ATP8B4: variants seen among roughly 807,000 people sequenced by gnomAD.
The protein encoded by ATP8B4 is ATPase phospholipid transporting 8B4 (putative).
Under a neutral mutation model 145.6 loss-of-function variants are expected in ATP8B4, and 133 were observed. The observed-to-expected ratio is 0.91, with a 90% CI of 0.79 to 1.05. The LOEUF (loss-of-function observed/expected upper bound fraction) is 1.05. Among genes scored for constraint, ATP8B4 ranks in the 50% least tolerant of loss-of-function variants. The pLI, the probability that ATP8B4 is intolerant of heterozygous loss-of-function variation, is 0.00. For synonymous variants in ATP8B4, 507 were observed against 492.9 expected, an observed-to-expected ratio of 1.03 and a Z score of -0.38; for missense variants, 1,458 against 1,425.2, an observed-to-expected ratio of 1.02 and a Z score of -0.37.
chr15:50,071,348 C>T (rs1057344602), intron 3 of ATP8B4, among the ~76,000 whole-genome samples: 1 of 152,062 alleles, frequency 6.6e-6, no homozygotes, highest in African/African-American at 2.4e-5. Flanking sequence ...TGCAATATTC[C>T]ATTAATTAAG....
intron 6 of ATP8B4, among the ~76,000 whole-genome samples, chr15:50,026,335 G>A (rs188504868): frequency 1.3e-5 from 2 of 152,130 alleles, no homozygotes; most frequent in Non-Finnish European, 1.5e-5. Context: ...CAATGTACAT[G>A]AGAATCCCAT....
At chr15:50,043,106 G>A (rs777156358) in intron 5 of ATP8B4, among the ~76,000 whole-genome samples, 3 of 152,200 alleles carry the variant, frequency 2.0e-5, no homozygotes, top group African/African-American at 4.8e-5. Context: ...GGAAATATGG[G>A]TGTGAGCTCA....
chr15:49,881,428 T>C (rs2035397555), intron 23 of ATP8B4, among the ~76,000 whole-genome samples: 1 of 152,150 alleles, frequency 6.6e-6, no homozygotes, highest in Non-Finnish European at 1.5e-5. Flanking sequence ...GCTCACAAAA[T>C]TCATGAAAAT....
At chr15:50,010,687 T>C (rs1035105513) in intron 7 of ATP8B4, among the ~76,000 whole-genome samples, 158 bp downstream of exon 7, 1 of 152,134 alleles carries the variant, frequency 6.6e-6, no homozygotes, top group Non-Finnish European at 1.5e-5. Flanking sequence ...TAAATCAACG[T>C]CTTTTAAAAT....
At chr15:50,018,321 G>A (rs573802573) in intron 6 of ATP8B4, among the ~76,000 whole-genome samples, 4 of 152,220 alleles carry the variant, frequency 2.6e-5, no homozygotes, top group African/African-American at 9.6e-5. Flanking sequence ...ACTGGCATAT[G>A]CGGTATCATC....
At chr15:49,913,763 T>A (rs2039469248) in intron 20 of ATP8B4, among the ~76,000 whole-genome samples, 1 of 151,810 alleles carries the variant, frequency 6.6e-6, no homozygotes, top group Admixed American at 6.6e-5. Context: ...AAGAAAGCAA[T>A]CCCATTTACA....
chr15:49,975,607 G>A (rs796138428), intron 12 of ATP8B4, among the ~76,000 whole-genome samples: 13 of 151,968 alleles, frequency 8.6e-5, no homozygotes, highest in South Asian at 6.2e-4. Context: ...CAAAACCCAC[G>A]TATACAAAGG....
rs866560841 is a variant in ATP8B4 at position 49,989,613 on chromosome 15, A to T, written c.590-2064T>A. The stretch of plus-strand genomic sequence containing the variant: ...ACCAAGGGTGTGGTTCTAGACAGGA[A>T]CAGGGAGTAAGGCCAAGGGGTACTG... On this transcript the variant is annotated intron_variant, in intron 9 of 27. Transcript: ENST00000284509. Among the ~76,000 whole-genome samples the T allele has an allele frequency of 3.9e-5, 6 of 152,188 alleles. No individual in the cohort carries two copies. The South Asian group carries it at 1.0e-3, about 26-fold the overall frequency.
intron 5 of ATP8B4, 35 bp from the exon 6 acceptor site, chr15:50,038,864 AC>A: frequency 6.3e-7 from 1 of 1,579,644 alleles, no homozygotes; most frequent in South Asian, 1.1e-5. Flanking sequence ...AAAACACATT[AC>A]AAGGTACTTT....
At chr15:49,891,860 A>C in intron 23 of ATP8B4, among the ~76,000 whole-genome samples, 1 of 152,274 alleles carries the variant, frequency 6.6e-6, no homozygotes, top group South Asian at 2.1e-4. Flanking sequence ...TCATGCCTGT[A>C]ATCCCAGCAT....
chr15:50,163,101 A>G (rs969062920), intron 1 of ATP8B4, among the ~76,000 whole-genome samples: 11 of 152,122 alleles, frequency 7.2e-5, no homozygotes, highest in African/African-American at 2.7e-4. Context: ...ACATATCTCC[A>G]TCTCTCCAGG....
rs140233601 is a variant in ATP8B4 at position 49,996,613 on chromosome 15, T to C, written c.589+64A>G. On this transcript the variant is annotated intron_variant, in intron 9 of 27. Transcript: ENST00000284509. ...AAAGAAACATAAATTGGATCTCACATTACTTTGTTGCATTGCTTTTTGGGT... is the reference window on the plus strand; with the variant it reads ...AAAGAAACATAAATTGGATCTCACACTACTTTGTTGCATTGCTTTTTGGGT... 2,962 of 1,278,862 alleles carry C rather than the reference T, an allele frequency of 2.3e-3. 3 individuals are homozygous for C. The highest frequency in any genetic ancestry group is 2.9e-3 in the Non-Finnish European group (2,612 of 909,722). The allele number at this position is 1,278,862 out of a possible 1,614,324, so 79.2% of individuals were successfully genotyped here. A position where few individuals can be genotyped will look rare whatever the true frequency, so the allele number is the denominator to read the frequency against.
intron 14 of ATP8B4, among the ~76,000 whole-genome samples, chr15:49,954,584 C>T (rs549936269): frequency 6.6e-6 from 1 of 152,220 alleles, no homozygotes; most frequent in African/African-American, 2.4e-5. Context: ...TGCTCATGAT[C>T]ATTAATCATC....
At chr15:50,114,311 A>T (rs1334449020) in intron 1 of ATP8B4, 1 of 151,714 alleles carries the variant, frequency 6.6e-6, no homozygotes, top group Non-Finnish European at 1.5e-5. Context: ...TGCCATTCTT[A>T]TGCCTTTGCA....
At chr15:49,881,159 T>C (rs2035349890) in intron 23 of ATP8B4, among the ~76,000 whole-genome samples, 1 of 151,730 alleles carries the variant, frequency 6.6e-6, no homozygotes, top group Admixed American at 6.6e-5. Context: ...TTGTAGCATT[T>C]GCCAATTTCC....
intron 3 of ATP8B4, among the ~76,000 whole-genome samples, chr15:50,061,848 A>C (rs1455791000): frequency 1.3e-5 from 2 of 152,210 alleles, no homozygotes; most frequent in Admixed American, 6.5e-5. Flanking sequence ...TTTGAAAGAC[A>C]TTACCAATAT....
At chr15:50,158,279 T>C (rs2044456395) in intron 1 of ATP8B4, among the ~76,000 whole-genome samples, 1 of 150,908 alleles carries the variant, frequency 6.6e-6, no homozygotes, top group African/African-American at 2.4e-5. Context: ...GGAGCGCCTC[T>C]TCCCGGCCGC....
At chr15:50,009,154 C>G (rs535752891) in intron 7 of ATP8B4, 1 of 152,190 alleles carries the variant, frequency 6.6e-6, no homozygotes, top group Admixed American at 6.6e-5. Context: ...GCCTGGAGCC[C>G]TTTCTTCTTA....
chr15:49,916,822 A>AGTTAAG (rs1311605286), intron 20 of ATP8B4, 112 bp downstream of exon 20: 6 of 957,334 alleles, frequency 6.3e-6, no homozygotes, highest in Admixed American at 5.5e-5. Context: ...CTTTATACTA[A>AGTTAAG]GTTAAGACCA....
Sources: gnomAD v4.1 joint callset for allele counts (sites outside exome capture counted in the v4.1 genomes callset) on GRCh38, gnomAD v4.1.1 for gene constraint, MANE v1.5 for transcripts, NCBI Gene and HGNC (gene_info 2026-07-23, HGNC 2026-07-21) for gene names.